MSN: variants seen among roughly 807,000 people sequenced by gnomAD.
The protein encoded by MSN is moesin.
A neutral mutation model predicts 48.0 loss-of-function variants in MSN; 2 were observed. The ratio of observed to expected loss-of-function variants is 0.04; its 90% confidence interval spans 0.02 to 0.13. MSN has a LOEUF of 0.13. MSN is among the 10% of genes least tolerant of loss of function. MSN has a pLI of 1.00. For synonymous variants in MSN, 146 were observed against 166.9 expected, an observed-to-expected ratio of 0.87 and a Z score of 0.97; for missense variants, 267 against 470.1, an observed-to-expected ratio of 0.57 and a Z score of 3.99.
chrX:65,702,403 C>T (rs975916326), intron 1 of MSN, among the ~76,000 whole-genome samples: 14 of 107,366 alleles, frequency 1.3e-4, no homozygotes, highest in African/African-American at 4.4e-4. Context: ...TGGTGGCTCA[C>T]GCCTGTAATC....
chrX:65,736,056 A>C (rs1233750280), intron 8 of MSN, among the ~76,000 whole-genome samples: 1 of 112,153 alleles, frequency 8.9e-6, no homozygotes, highest in African/African-American at 3.2e-5. Context: ...GCTGGGCTTT[A>C]GGGCAGGCAG....
chrX:65,611,025 A>G (rs2070314918), intron 1 of MSN, among the ~76,000 whole-genome samples: 1 of 110,665 alleles, frequency 9.0e-6, no homozygotes, highest in African/African-American at 3.3e-5. Flanking sequence ...TTAAACAACA[A>G]CTCCTCATTT....
chrX:65,645,963 G>A (rs1227263802), intron 1 of MSN, among the ~76,000 whole-genome samples: 1 of 111,937 alleles, frequency 8.9e-6, no homozygotes, highest in Non-Finnish European at 1.9e-5. Context: ...CACTCAAAAA[G>A]TTTCAGATTT....
At chrX:65,718,979 T>G (rs968059396) in intron 2 of MSN, among the ~76,000 whole-genome samples, 1 of 111,876 alleles carries the variant, frequency 8.9e-6, no homozygotes, top group African/African-American at 3.3e-5. Flanking sequence ...GTGTAATCAT[T>G]GATACTTAAT....
Position 65,669,202 on chromosome X carries a change from C to A in MSN, c.12+1349C>A, listed in dbSNP as rs778835976. ...TACACACTTTGTTCCCTAGTCCCCGCCCCCAAAGAGAGAGAGTAATGGTTT... is the reference window on the plus strand; with the variant it reads ...TACACACTTTGTTCCCTAGTCCCCGACCCCAAAGAGAGAGAGTAATGGTTT... On this transcript the variant is annotated intron_variant, in intron 1 of 12. Coordinates refer to ENST00000360270, the MANE Select transcript of MSN (RefSeq NM_002444.3). Among the ~76,000 whole-genome samples, 9 of 111,310 alleles carry A rather than the reference C, an allele frequency of 8.1e-5. No homozygotes were observed. In the South Asian group the frequency reaches 1.1e-3, roughly 14 times the overall value.
At chrX:65,633,870 G>GAA (rs2070578007) in intron 1 of MSN, among the ~76,000 whole-genome samples, 1 of 112,106 alleles carries the variant, frequency 8.9e-6, no homozygotes, top group African/African-American at 3.2e-5. Context: ...ATTTTATTAA[G>GAA]AAAGAGGCTG....
At chrX:65,598,081 C>T (rs2070201253) in intron 1 of MSN, among the ~76,000 whole-genome samples, 1 of 111,320 alleles carries the variant, frequency 9.0e-6, no homozygotes, top group African/African-American at 3.3e-5. Flanking sequence ...CCTCTCCTTA[C>T]CAGCAACACT....
intron 2 of MSN, among the ~76,000 whole-genome samples, chrX:65,720,982 T>C (rs775568953): frequency 2.7e-5 from 3 of 112,001 alleles, no homozygotes; most frequent in Non-Finnish European, 3.8e-5. Flanking sequence ...AAGCTTTTGA[T>C]CTTGGATTAC....
intron 1 of MSN, among the ~76,000 whole-genome samples, chrX:65,627,315 T>TATGTATTAATACATATGTATTAG (rs2070515442): frequency 2.7e-5 from 3 of 110,800 alleles, no homozygotes; most frequent in African/African-American, 9.8e-5. Context: ...TATTAGTCCA[T>TATGTATTAATACATATGTATTAG]TTTCATGCTG....
chrX:65,689,644 G>A (rs2071153355), intron 1 of MSN, among the ~76,000 whole-genome samples: 1 of 111,683 alleles, frequency 9.0e-6, no homozygotes, highest in Admixed American at 9.5e-5. Context: ...CAGCCAAAAG[G>A]CTGTGGATGC....
In MSN at chrX:65,644,498, C is replaced by T. The variant is rs761379478; in HGVS notation, c.-22+55886C>T. ...AGAACTGCGTATCACTGACCAACCA[C>T]CTCTCTGACCCCCATAATCCCATAA... On this transcript the variant is annotated intron_variant, in intron 1 of 3. Coordinates refer to the MSN transcript ENST00000609672. 7.1e-5 allele frequency among the ~76,000 whole-genome samples: 8 copies of T among 111,890 alleles called. No individual in the cohort carries two copies. The South Asian group carries it at 2.2e-3, about 31-fold the overall frequency.
At chrX:65,634,104 C>T (rs1375772579) in intron 1 of MSN, among the ~76,000 whole-genome samples, 1 of 111,752 alleles carries the variant, frequency 8.9e-6, no homozygotes, top group Non-Finnish European at 1.9e-5. Flanking sequence ...CTACTGCTGT[C>T]CAGGGACCCA....
At chrX:65,594,360 G>A (rs779826963) in intron 1 of MSN, among the ~76,000 whole-genome samples, 1 of 110,490 alleles carries the variant, frequency 9.1e-6, no homozygotes, top group Non-Finnish European at 1.9e-5. Flanking sequence ...CCAAATAAAA[G>A]TAGAGAAGAC....
At chrX:65,656,706 C>G (rs983971584) in intron 1 of MSN, among the ~76,000 whole-genome samples, 1 of 111,474 alleles carries the variant, frequency 9.0e-6, no homozygotes, top group Non-Finnish European at 1.9e-5. Context: ...GCAGGCACTG[C>G]GGGGCTGAGG....
chrX:65,641,853 G>T (rs2148370352), intron 1 of MSN, among the ~76,000 whole-genome samples: 1 of 108,284 alleles, frequency 9.2e-6, no homozygotes, highest in East Asian at 2.9e-4. Context: ...ACTCAGTGTT[G>T]GCCGGGCGCG....
intron 1 of MSN, among the ~76,000 whole-genome samples, chrX:65,608,077 T>G (rs2070292332): frequency 8.9e-6 from 1 of 112,207 alleles, no homozygotes. Context: ...AGGACAAAGC[T>G]CTGTCTGTGT....
intron 1 of MSN, among the ~76,000 whole-genome samples, chrX:65,614,551 A>G (rs1187439858): frequency 9.3e-6 from 1 of 107,956 alleles, no homozygotes; most frequent in Non-Finnish European, 1.9e-5. Context: ...TTCCTTGAGC[A>G]GTGGTTTGTA....
intron 1 of MSN, among the ~76,000 whole-genome samples, chrX:65,631,594 A>G (rs2070559139): frequency 8.9e-6 from 1 of 111,996 alleles, no homozygotes; most frequent in African/African-American, 3.2e-5. Context: ...GCTGAATAGT[A>G]TTCCATGTTA....
chrX:65,725,176 C>G (rs925406451), intron 2 of MSN, among the ~76,000 whole-genome samples: 1 of 111,856 alleles, frequency 8.9e-6, no homozygotes, highest in South Asian at 3.8e-4. Context: ...GGACAGGGGT[C>G]CCCATGACTG....
Sources: gnomAD v4.1 joint callset for allele counts (sites outside exome capture counted in the v4.1 genomes callset) on GRCh38, gnomAD v4.1.1 for gene constraint, MANE v1.5 for transcripts, NCBI Gene and HGNC (gene_info 2026-07-23, HGNC 2026-07-21) for gene names.